SLC24A3: variants seen among roughly 807,000 people sequenced by gnomAD.
The protein encoded by SLC24A3 is sodium/potassium/calcium exchanger 3.
In SLC24A3, 28 loss-of-function variants were observed where a neutral mutation model predicts 75.8. The observed-to-expected ratio is 0.37, with a 90% CI of 0.27 to 0.51. The LOEUF is 0.51. Among genes scored for constraint, SLC24A3 ranks in the 20% least tolerant of loss-of-function variants. The pLI is 0.94. For synonymous variants in SLC24A3, 372 were observed against 334.1 expected (o/e 1.11, Z -1.24); for missense variants, 663 against 847.8 (o/e 0.78, Z 2.71).
At position 19,420,592 on chromosome 20, in the gene SLC24A3, C is replaced by CCAAGGTA. The variant is rs1986901538; in HGVS notation, c.272-94896_272-94895insCAAGGTA. Among the ~76,000 whole-genome samples the CCAAGGTA allele has an allele frequency of 4.7e-3, 498 of 105,950 alleles. 7 individuals are homozygous for CCAAGGTA. Among genetic ancestry groups the CCAAGGTA allele is most frequent in the African/African-American group, 6.1e-3 (141 of 23,028 alleles). 69.5% of individuals were successfully genotyped at this position (105,950 alleles called of 152,430 possible). On this transcript the variant is annotated intron_variant, in intron 2 of 16. Transcript: ENST00000328041. ...AATATCGTGAAAATGGCCATACTGC[C>CCAAGGTA]ATTTTCATAATTTCATAATTTCATA...
intron 1 of SLC24A3, among the ~76,000 whole-genome samples, chr20:19,245,642 A>C (rs916075572): frequency 2.0e-4 from 30 of 152,210 alleles, no homozygotes; most frequent in Admixed American, 1.8e-3. Flanking sequence ...AACACTAACC[A>C]AAAGACACCA....
chr20:19,426,487 T>G (rs1600476390), intron 2 of SLC24A3, among the ~76,000 whole-genome samples: 2 of 152,136 alleles, frequency 1.3e-5, no homozygotes, highest in East Asian at 3.8e-4. Context: ...GCAAAATGCT[T>G]ACATTTCAAA....
intron 3 of SLC24A3, among the ~76,000 whole-genome samples, chr20:19,550,447 G>T (rs1327878745): frequency 6.6e-6 from 1 of 152,082 alleles, no homozygotes; most frequent in African/African-American, 2.4e-5. Flanking sequence ...GCAGACATGG[G>T]GTGAGGCCAA....
intron 6 of SLC24A3, among the ~76,000 whole-genome samples, chr20:19,642,394 TATC>T (rs2032086630): frequency 6.6e-6 from 1 of 152,250 alleles, no homozygotes; most frequent in Admixed American, 6.5e-5. Context: ...GGATAAATAT[TATC>T]ATTCCAGGTG....
At chr20:19,623,713 A>G (rs377354948) in intron 6 of SLC24A3, among the ~76,000 whole-genome samples, 18 of 152,380 alleles carry the variant, frequency 1.2e-4, no homozygotes, top group African/African-American at 3.8e-4. Flanking sequence ...AGAAAGTTCT[A>G]TTGAGCAGCT....
intron 2 of SLC24A3, among the ~76,000 whole-genome samples, chr20:19,408,533 G>C (rs1449215242): frequency 1.3e-5 from 2 of 151,926 alleles, no homozygotes; most frequent in Admixed American, 1.3e-4. Flanking sequence ...GGGACTACTG[G>C]TGCACACCAC....
chr20:19,640,045 C>T (rs1202330983), intron 6 of SLC24A3, among the ~76,000 whole-genome samples: 1 of 152,238 alleles, frequency 6.6e-6, no homozygotes, highest in African/African-American at 2.4e-5. Context: ...GCTGAGGGAG[C>T]CTGCTGGGGC....
intron 3 of SLC24A3, among the ~76,000 whole-genome samples, chr20:19,568,024 A>G (rs908514109): frequency 6.6e-6 from 1 of 152,242 alleles, no homozygotes; most frequent in Admixed American, 6.5e-5. Flanking sequence ...GCCAATAAAC[A>G]TATACAAAGA....
chr20:19,227,159 A>G (rs768995446), intron 1 of SLC24A3, among the ~76,000 whole-genome samples: 9 of 152,214 alleles, frequency 5.9e-5, no homozygotes, highest in Admixed American at 1.3e-4. Flanking sequence ...TTTTAATTCA[A>G]TTTGATTGTA....
In SLC24A3 at chr20:19,673,466, A is replaced by G. The variant is rs973335669; in HGVS notation, c.714-135A>G. ...CATAGAGAATGTCTCTAGACCAGGA[A>G]ATATCCGTCACCTAGCACCGTCTGC... On this transcript the variant is annotated intron_variant, in intron 8 of 16. Coordinates refer to ENST00000328041, the MANE Select transcript of SLC24A3 (RefSeq NM_020689.4). 4.3e-5 allele frequency: 30 copies of G among 704,262 alleles called. No homozygotes were observed. In the Admixed American group the frequency reaches 6.7e-4, roughly 16 times the overall value. 43.6% of individuals were successfully genotyped at this position (704,262 alleles called of 1,614,324 possible).
At chr20:19,639,731 TG>T (rs2032049929) in intron 6 of SLC24A3, among the ~76,000 whole-genome samples, 1 of 152,132 alleles carries the variant, frequency 6.6e-6, no homozygotes, top group South Asian at 2.1e-4. Context: ...ATGGAGTGGG[TG>T]GGAGGCTCAG....
intron 6 of SLC24A3, among the ~76,000 whole-genome samples, chr20:19,630,079 C>G (rs190288096): frequency 1.3e-5 from 2 of 152,226 alleles, no homozygotes; most frequent in Admixed American, 1.3e-4. Context: ...TAAGCAATAA[C>G]TATAAATTAT....
In SLC24A3 at chr20:19,721,136, A is replaced by T. The variant is rs1397470789; in HGVS notation, c.1931A>T (p.His644Leu). The T allele has an allele frequency of 6.2e-7, 1 of 1,613,826 alleles. No homozygotes were observed. The highest frequency in any genetic ancestry group is 8.5e-7 in the Non-Finnish European group (1 of 1,179,964). Residue 644 changes from histidine (H) to leucine (L), a missense_variant, in exon 17 of 17, where the codon CAC becomes CTC. Around this residue, in one of 2 missense-constraint regions of SLC24A3, gnomAD observed 510 missense variants for 703.6 expected, o/e 0.72. Coordinates refer to ENST00000328041, the MANE Select transcript of SLC24A3 (RefSeq NM_020689.4). ...TFVNLPMCGD[H>L] is the part of the protein sequence containing the mutation. The stretch of plus-strand genomic sequence containing the variant: ...GTGAACCTGCCCATGTGCGGGGACC[A>T]CTGAGCCGCCGGGTGCCCACAGAGG...
chr20:19,706,896 TAACAA>T (rs2032937087), intron 15 of SLC24A3, among the ~76,000 whole-genome samples: 2 of 152,230 alleles, frequency 1.3e-5, no homozygotes, highest in Middle Eastern at 3.4e-3. Context: ...TAATGCTAAG[TAACAA>T]AAGGCATGCA....
At chr20:19,287,964 G>A (rs546044054) in intron 2 of SLC24A3, among the ~76,000 whole-genome samples, 1 of 152,300 alleles carries the variant, frequency 6.6e-6, no homozygotes, top group East Asian at 1.9e-4. Flanking sequence ...ATTCAGTGAA[G>A]TAAGCTTTGC....
intron 2 of SLC24A3, among the ~76,000 whole-genome samples, chr20:19,405,298 G>T (rs1223993479): frequency 6.6e-6 from 1 of 152,140 alleles, no homozygotes; most frequent in Admixed American, 6.5e-5. Flanking sequence ...TCTCATGTTG[G>T]TGCTTCTTCC....
At chr20:19,260,698 CA>C (rs1982956340) in intron 1 of SLC24A3, among the ~76,000 whole-genome samples, 1 of 152,144 alleles carries the variant, frequency 6.6e-6, no homozygotes, top group Non-Finnish European at 1.5e-5. Flanking sequence ...TACTGCTTCC[CA>C]AAAAAGATTG....
At chr20:19,602,874 G>T (rs994094216) in intron 6 of SLC24A3, among the ~76,000 whole-genome samples, 2 of 152,200 alleles carry the variant, frequency 1.3e-5, no homozygotes, top group Non-Finnish European at 2.9e-5. Flanking sequence ...CACATGTCCG[G>T]CAAGCAGACC....
At chr20:19,282,981 C>T (rs561122096) in intron 2 of SLC24A3, among the ~76,000 whole-genome samples, 12 of 152,172 alleles carry the variant, frequency 7.9e-5, no homozygotes, top group African/African-American at 2.7e-4. Flanking sequence ...AACGTGAACC[C>T]GGGATCTGCC....
Sources: allele counts gnomAD v4.1 joint callset (sites outside exome capture counted in the v4.1 genomes callset), GRCh38; gene constraint gnomAD v4.1.1; regional missense constraint gnomAD v4.1.1; transcripts MANE v1.5; gene names NCBI Gene and HGNC (gene_info 2026-07-23, HGNC 2026-07-21).